PCDH15: variants seen among roughly 807,000 people sequenced by gnomAD.
PCDH15 encodes the protein protocadherin-15.
A neutral mutation model predicts 178.5 loss-of-function variants in PCDH15; 129 were observed. The observed-to-expected ratio is 0.72, with a 90% CI of 0.63 to 0.84. The LOEUF (loss-of-function observed/expected upper bound fraction) is 0.84, where lower values mean the gene tolerates loss of function less well. Among genes scored for constraint, PCDH15 ranks in the 40% least tolerant of loss-of-function variants. PCDH15 has a pLI of 0.00. For missense variants in PCDH15, 2,230 were observed against 2,099.9 expected, an observed-to-expected ratio of 1.06 and a Z score of -1.21; for synonymous variants, 800 against 732.0, an observed-to-expected ratio of 1.09 and a Z score of -1.50.
chr10:55,239,363 A>C (rs1841482470), intron 1 of PCDH15, among the ~76,000 whole-genome samples: 1 of 152,174 alleles, frequency 6.6e-6, no homozygotes, highest in Non-Finnish European at 1.5e-5. Context: ...GACACTTGCA[A>C]CATAATAGAG....
chr10:54,336,444 C>A (rs995106699), intron 6 of PCDH15, among the ~76,000 whole-genome samples: 13 of 152,132 alleles, frequency 8.5e-5, no homozygotes, highest in Non-Finnish European at 1.9e-4. Flanking sequence ...GTCCTGGACC[C>A]CCCTTTCCGT....
intron 2 of PCDH15, among the ~76,000 whole-genome samples, chr10:55,436,065 A>G (rs906120322): frequency 6.6e-6 from 1 of 152,264 alleles, no homozygotes; most frequent in Non-Finnish European, 1.5e-5. Context: ...TATTCACAGT[A>G]GTAGTATCTG....
At position 53,823,763 on chromosome 10, in the gene PCDH15, G is replaced by A. The variant is rs528529439; in HGVS notation, c.4368-3533C>T. ...GAGGATGCTCAGGGCTGCCTGTTAC[G>A]CATAGAAGATTCTTAGCTGTATCTG... is the stretch of plus-strand genomic sequence containing the variant. On this transcript the variant is annotated intron_variant, in intron 32 of 37. Transcript: ENST00000644397. The A allele has an allele frequency of 1.5e-3, 703 of 457,980 alleles. 6 individuals are homozygous for A. Among genetic ancestry groups the A allele is most frequent in the African/African-American group, 0.012 (583 of 50,186 alleles). The allele number at this position is 457,980 out of a possible 1,614,324, so 28.4% of individuals were successfully genotyped here.
intron 28 of PCDH15, among the ~76,000 whole-genome samples, chr10:53,849,121 T>A (rs549404505): frequency 6.6e-6 from 1 of 152,244 alleles, no homozygotes; most frequent in South Asian, 2.1e-4. Context: ...AAAGTTTGAA[T>A]ACTAAAAAAG....
chr10:54,036,076 G>A (rs2093410097), intron 18 of PCDH15, among the ~76,000 whole-genome samples: 1 of 151,850 alleles, frequency 6.6e-6, no homozygotes, highest in South Asian at 2.1e-4. Flanking sequence ...AGAAAAGTCT[G>A]AAGCTAGTAG....
At chr10:55,556,338 T>C (rs1842090485) in intron 2 of PCDH15, among the ~76,000 whole-genome samples, 1 of 152,246 alleles carries the variant, frequency 6.6e-6, no homozygotes, top group East Asian at 1.9e-4. Context: ...CATTAAAGAA[T>C]GGAACTCCTG....
chr10:54,075,333 C>T (rs61858408), intron 17 of PCDH15, among the ~76,000 whole-genome samples: 36,808 of 151,676 alleles, frequency 0.24, 4,881 homozygotes, highest in Admixed American at 0.3. Context: ...GCCGAGATCG[C>T]GCCACTGCAC....
At chr10:54,002,598 T>G (rs776699102) in intron 20 of PCDH15, among the ~76,000 whole-genome samples, 1 of 151,860 alleles carries the variant, frequency 6.6e-6, no homozygotes, top group Non-Finnish European at 1.5e-5. Context: ...TAACCAGGGG[T>G]CAATGAGGAA....
chr10:55,577,923 T>G (rs1297871081), intron 2 of PCDH15, among the ~76,000 whole-genome samples: 1 of 152,142 alleles, frequency 6.6e-6, no homozygotes, highest in Non-Finnish European at 1.5e-5. Context: ...AAAACGTCCA[T>G]CTTTTAATTA....
chr10:55,023,753 A>G (rs2131957669), intron 2 of PCDH15, among the ~76,000 whole-genome samples: 1 of 98,122 alleles, frequency 1.0e-5, no homozygotes, highest in South Asian at 3.4e-4. Context: ...AATATCCTAT[A>G]TTTGTGTCTG....
At chr10:54,589,906 G>A (rs10763119) in intron 2 of PCDH15, among the ~76,000 whole-genome samples, 115,419 of 152,070 alleles carry the variant, frequency 0.76, 44,138 homozygotes, top group South Asian at 0.86. Flanking sequence ...CGTTCATTAC[G>A]TAAGAATAAA....
intron 1 of PCDH15, among the ~76,000 whole-genome samples, chr10:54,800,421 AC>A (rs1353066096): frequency 1.1e-4 from 17 of 152,214 alleles, no homozygotes; most frequent in Admixed American, 1.1e-3. Context: ...CAGTATACTC[AC>A]AAAAGACAAA....
chr10:55,168,040 T>C (rs1839239565), intron 1 of PCDH15, among the ~76,000 whole-genome samples: 1 of 152,182 alleles, frequency 6.6e-6, no homozygotes, highest in South Asian at 2.1e-4. Flanking sequence ...GGGATTAATG[T>C]ATATCTATCT....
At chr10:54,961,007 A>G (rs1206063255) in intron 2 of PCDH15, among the ~76,000 whole-genome samples, 1 of 152,256 alleles carries the variant, frequency 6.6e-6, no homozygotes, top group Non-Finnish European at 1.5e-5. Context: ...AAATCAATGC[A>G]AAGGCAATAA....
intron 2 of PCDH15, among the ~76,000 whole-genome samples, chr10:55,057,578 A>G (rs1294617748): frequency 6.6e-6 from 1 of 152,192 alleles, no homozygotes; most frequent in African/African-American, 2.4e-5. Flanking sequence ...TACAGAAAGC[A>G]TGGTTGCAGT....
chr10:53,899,793 G>A (rs138638552), intron 26 of PCDH15, among the ~76,000 whole-genome samples: 3 of 152,250 alleles, frequency 2.0e-5, no homozygotes, highest in Admixed American at 1.3e-4. Flanking sequence ...GAGAAGAACT[G>A]CTTAACTCAT....
intron 3 of PCDH15, among the ~76,000 whole-genome samples, chr10:54,807,787 A>C (rs550528897): frequency 6.7e-6 from 1 of 149,376 alleles, no homozygotes; most frequent in Non-Finnish European, 1.5e-5. Flanking sequence ...ACAAAAACAA[A>C]GCTATTTAAT....
At chr10:54,909,943 T>C (rs1225076443) in intron 2 of PCDH15, among the ~76,000 whole-genome samples, 6 of 152,142 alleles carry the variant, frequency 3.9e-5, no homozygotes, top group African/African-American at 1.4e-4. Flanking sequence ...CTCTGGGGAC[T>C]GTCCTTCTCT....
At chr10:54,006,572 T>G (rs575629516) in intron 20 of PCDH15, among the ~76,000 whole-genome samples, 1 of 152,246 alleles carries the variant, frequency 6.6e-6, no homozygotes, top group Admixed American at 6.5e-5. Context: ...TCTGATGAAA[T>G]CAAAAGCAGG....
Sources: allele counts gnomAD v4.1 joint callset (sites outside exome capture counted in the v4.1 genomes callset), GRCh38; gene constraint gnomAD v4.1.1; transcripts MANE v1.5; gene names NCBI Gene and HGNC (gene_info 2026-07-23, HGNC 2026-07-21).